MYO5A: variants seen among roughly 807,000 people sequenced by gnomAD.
MYO5A encodes unconventional myosin-Va.
In MYO5A, 98 loss-of-function variants were observed where a neutral mutation model predicts 249.7. The observed-to-expected ratio is 0.39, with a 90% confidence interval of 0.33 to 0.46. The LOEUF is 0.46. Ranked by LOEUF, MYO5A falls within the 20% of genes least tolerant of loss-of-function variation. The pLI, the probability that MYO5A is intolerant of heterozygous loss-of-function variation, is 0.98. For missense variants in MYO5A, 1,696 were observed against 2,308.8 expected, an observed-to-expected ratio of 0.73 and a Z score of 5.44; for synonymous variants, 778 against 810.6, an observed-to-expected ratio of 0.96 and a Z score of 0.68.
intron 21 of MYO5A, 132 bp downstream of exon 21, chr15:52,371,992 G>T: frequency 7.4e-7 from 1 of 1,343,296 alleles, no homozygotes; most frequent in Non-Finnish European, 1.1e-6. Context: ...GCCCATTATG[G>T]AAATAAATAC....
At chr15:52,350,750 C>T (rs994342074) in intron 28 of MYO5A, among the ~76,000 whole-genome samples, 8 of 152,112 alleles carry the variant, frequency 5.3e-5, no homozygotes, top group Admixed American at 4.6e-4. Context: ...TTAAACAGCC[C>T]CTCCCACTGG....
chr15:52,343,403 G>C (rs1043278556), intron 30 of MYO5A, among the ~76,000 whole-genome samples: 8 of 152,158 alleles, frequency 5.3e-5, no homozygotes, highest in African/African-American at 2.4e-5. Context: ...TAAATGGATA[G>C]AAATTAAAGC....
chr15:52,443,047 G>A (rs918643685), intron 1 of MYO5A, among the ~76,000 whole-genome samples: 1 of 152,112 alleles, frequency 6.6e-6, no homozygotes, highest in African/African-American at 2.4e-5. Context: ...CACCGTGCCT[G>A]GCCAAAACAG....
At chr15:52,450,833 C>T (rs151302006) in intron 1 of MYO5A, among the ~76,000 whole-genome samples, 1 of 103,474 alleles carries the variant, frequency 9.7e-6, no homozygotes, top group East Asian at 5.6e-4. Flanking sequence ...GATTAGATTG[C>T]ACTACTGTGG....
In MYO5A at chr15:52,475,856, T is replaced by C. The variant is rs1444134096; in HGVS notation, c.28-42571A>G. The stretch of plus-strand genomic sequence containing the variant: ...GTGCAATGTGGTGCTGAGAAGAATG[T>C]ATATTCTGTTGATTTGGGGTGGAGA... On this transcript the variant is annotated intron_variant, in intron 1 of 41. Coordinates refer to ENST00000399233, the MANE Select transcript of MYO5A (RefSeq NM_001382347.1). Among the ~76,000 whole-genome samples, 9 of 152,326 alleles carry C rather than the reference T, an allele frequency of 5.9e-5. No individual in the cohort carries two copies. The East Asian group carries it at 1.7e-3, about 29-fold the overall frequency.
chr15:52,343,446 G>C (rs940284282), intron 30 of MYO5A, among the ~76,000 whole-genome samples: 1 of 152,168 alleles, frequency 6.6e-6, no homozygotes, highest in East Asian at 1.9e-4. Flanking sequence ...TACTTTACCT[G>C]CAAAATAAGA....
At position 52,319,128 on chromosome 15, in the gene MYO5A, C is replaced by G; in HGVS notation, c.5166G>C (p.Gly1722=). The change falls in exon 39 of 42, where the codon GGG becomes GGC. Residue 1722 remains glycine, a synonymous_variant. Coordinates refer to ENST00000399233, the MANE Select transcript of MYO5A (RefSeq NM_001382347.1). ...GGAGAAGGTTGTTCAGGGTGATGGC[C>G]CCTATGATGTAGAACATCTGCTTGA... is the stretch of plus-strand genomic sequence containing the variant. ...QVVKQMFYII[G]AITLNNLLLR... 2 of 1,614,158 alleles carry G rather than the reference C, an allele frequency of 1.2e-6. No homozygotes were observed. Among genetic ancestry groups the G allele is most frequent in the Non-Finnish European group, 1.7e-6 (2 of 1,180,032 alleles).
chr15:52,331,158 A>C (rs940573149), intron 34 of MYO5A, among the ~76,000 whole-genome samples: 1 of 152,180 alleles, frequency 6.6e-6, no homozygotes, highest in African/African-American at 2.4e-5. Flanking sequence ...CAGATAAACT[A>C]TCTCTATGTA....
chr15:52,399,684 G>A (rs1595599820), intron 9 of MYO5A, among the ~76,000 whole-genome samples: 2 of 151,926 alleles, frequency 1.3e-5, no homozygotes, highest in East Asian at 1.9e-4. Context: ...TTAGAATCAG[G>A]GGGCACATGT....
chr15:52,318,783 AC>A (rs2038155077), intron 39 of MYO5A, among the ~76,000 whole-genome samples: 1 of 152,126 alleles, frequency 6.6e-6, no homozygotes, highest in Non-Finnish European at 1.5e-5. Flanking sequence ...TCATCTCTTC[AC>A]TCCCCCAAAT....
intron 1 of MYO5A, among the ~76,000 whole-genome samples, chr15:52,516,606 G>A (rs914397686): frequency 6.6e-6 from 1 of 152,156 alleles, no homozygotes; most frequent in Admixed American, 6.5e-5. Context: ...TGACCTGAAG[G>A]CCTCACTAAT....
At chr15:52,386,501 AATCCTGTAAACTAT>A (rs1260717557) in intron 14 of MYO5A, among the ~76,000 whole-genome samples, 3 of 152,082 alleles carry the variant, frequency 2.0e-5, no homozygotes, top group African/African-American at 7.2e-5. Context: ...CTTACATATC[AATCCTGTAAACTAT>A]AAACAGTTAA....
intron 1 of MYO5A, chr15:52,505,241 AC>A: frequency 1.3e-6 from 1 of 774,834 alleles, no homozygotes; most frequent in South Asian, 1.3e-5. Context: ...CTCAATGATT[AC>A]CTGACAGACA....
intron 31 of MYO5A, among the ~76,000 whole-genome samples, chr15:52,341,306 ATCTTC>A (rs1392836354): frequency 1.3e-5 from 2 of 152,252 alleles, no homozygotes; most frequent in Non-Finnish European, 2.9e-5. Flanking sequence ...TAGATCTGTC[ATCTTC>A]TCTCTCCGCA....
At chr15:52,362,505 T>C (rs2141056063) in intron 24 of MYO5A, among the ~76,000 whole-genome samples, 1 of 152,348 alleles carries the variant, frequency 6.6e-6, no homozygotes. Flanking sequence ...AACTGTCATC[T>C]TGATTATATC....
At chr15:52,424,327 T>C (rs147006704) in intron 4 of MYO5A, among the ~76,000 whole-genome samples, 226 of 152,350 alleles carry the variant, frequency 1.5e-3, no homozygotes, top group African/African-American at 5.3e-3. Flanking sequence ...GTCAGACTAA[T>C]TGAATTTGAA....
chr15:52,364,326 G>A (rs765941855), intron 24 of MYO5A, among the ~76,000 whole-genome samples: 11 of 151,634 alleles, frequency 7.3e-5, no homozygotes, highest in Non-Finnish European at 1.5e-4. Flanking sequence ...TGACTTTACC[G>A]AAGTACTTGT....
At chr15:52,469,862 T>C (rs2076423989) in intron 1 of MYO5A, among the ~76,000 whole-genome samples, 2 of 152,236 alleles carry the variant, frequency 1.3e-5, no homozygotes, top group Admixed American at 6.5e-5. Flanking sequence ...CTCCATCAAG[T>C]TGGCTTCCGT....
intron 1 of MYO5A, chr15:52,438,198 C>A (rs1262175659): frequency 4.0e-6 from 1 of 252,866 alleles, no homozygotes; most frequent in Non-Finnish European, 6.0e-6. Context: ...CCAACCCTGC[C>A]TCCCCCAGGC....
Sources: allele counts gnomAD v4.1 joint callset (sites outside exome capture counted in the v4.1 genomes callset), GRCh38; gene constraint gnomAD v4.1.1; transcripts MANE v1.5; gene names NCBI Gene and HGNC (gene_info 2026-07-23, HGNC 2026-07-21).